The following LHX8 variants were observed in gnomAD, a reference collection of about 807,000 sequenced individuals.
LHX8 encodes the protein LIM homeobox 8, also known as LIM/homeobox protein Lhx8.
Under a neutral mutation model 40.3 loss-of-function variants are expected in LHX8, and 12 were observed. The observed-to-expected ratio is 0.30, with a 90% CI of 0.19 to 0.48. The LOEUF is 0.48. Among genes scored for constraint, LHX8 ranks in the 20% least tolerant of loss-of-function variants. LHX8 has a pLI of 0.99. For missense variants in LHX8, 344 were observed against 433.7 expected, an observed-to-expected ratio of 0.79 and a Z score of 1.84; for synonymous variants, 179 against 162.0, an observed-to-expected ratio of 1.10 and a Z score of -0.80.
the LHX8 span, among the ~76,000 whole-genome samples, chr1:75,189,148 A>G: frequency 6.6e-6 from 1 of 152,192 alleles, no homozygotes; most frequent in Non-Finnish European, 1.5e-5. Flanking sequence ...ATTTCCCAAG[A>G]TATCTTTATA....
At chr1:75,145,142 G>C (rs1162202924) in intron 6 of LHX8, among the ~76,000 whole-genome samples, 1 of 152,116 alleles carries the variant, frequency 6.6e-6, no homozygotes, top group Non-Finnish European at 1.5e-5. Flanking sequence ...AGCAAAAAAT[G>C]AAAGATAAGC....
At chr1:75,130,737 G>A (rs1553131880), upstream of LHX8, 1 of 1,614,082 alleles carries the variant, frequency 6.2e-7, no homozygotes, top group Non-Finnish European at 8.5e-7. Context: ...AGCAGGGTAA[G>A]TTTGTGGAAA....
At chr1:75,180,115 C>G in the LHX8 span, among the ~76,000 whole-genome samples, 1 of 152,210 alleles carries the variant, frequency 6.6e-6, no homozygotes, top group South Asian at 2.1e-4. Flanking sequence ...CTCTGGCTGC[C>G]CTCAGCATTT....
At chr1:75,147,160 C>A (rs1469277012) in intron 6 of LHX8, among the ~76,000 whole-genome samples, 1 of 152,006 alleles carries the variant, frequency 6.6e-6, no homozygotes, top group Non-Finnish European at 1.5e-5. Context: ...TTTTTAAAAG[C>A]AAAAATCCAT....
chr1:75,184,355 A>T, the LHX8 span, among the ~76,000 whole-genome samples: 8 of 152,202 alleles, frequency 5.3e-5, no homozygotes, highest in Admixed American at 5.2e-4. Flanking sequence ...TGTAAAATAG[A>T]CCAAATAATC....
downstream of LHX8, among the ~76,000 whole-genome samples, chr1:75,162,039 G>T (rs532979378): frequency 1.3e-5 from 2 of 152,170 alleles, no homozygotes; most frequent in South Asian, 4.1e-4. Context: ...AAGAAAAAAG[G>T]TAATGAGAAA....
upstream of LHX8, among the ~76,000 whole-genome samples, chr1:75,134,071 A>T (rs1648044168): frequency 6.6e-6 from 1 of 152,116 alleles, no homozygotes; most frequent in African/African-American, 2.4e-5. Context: ...AAAGAGATGT[A>T]ACCTGAATCT....
In LHX8 at chr1:75,137,144, G is replaced by A. The variant is rs145195318; in HGVS notation, c.120G>A (p.Ser40=). The part of the protein sequence containing the change: ...GAGDEDSCSS[S]APLSPSSSPR... ...GGGACGAGGACTCGTGCTCCTCCTC[G>A]GCCCCGCTGTCCCCGTCGTCCTCGC... The change falls in exon 3 of 9, where the codon TCG becomes TCA. Residue 40 remains serine (S), a synonymous_variant. Transcript: ENST00000356261. 6.2e-7 allele frequency: 1 copy of A among 1,611,694 alleles called. No homozygotes were observed. Among genetic ancestry groups the A allele is most frequent in the African/African-American group, 1.3e-5 (1 of 74,782 alleles).
At chr1:75,142,070 T>C (rs1273786893) in intron 4 of LHX8, among the ~76,000 whole-genome samples, 2 of 152,142 alleles carry the variant, frequency 1.3e-5, no homozygotes, top group Non-Finnish European at 2.9e-5. Context: ...TACTTCAATA[T>C]TGGTAATAAT....
Position 75,160,993 on chromosome 1 carries a change from A to G in LHX8, c.*98A>G, listed in dbSNP as rs184821578. On this transcript the variant is annotated 3_prime_UTR_variant, in exon 9 of 9. Transcript: ENST00000356261. ...GATATTACTGTTAATTTTTTATTTAACACCTAAAGCATTTCCAACATCACT... is the reference window on the plus strand; with the variant it reads ...GATATTACTGTTAATTTTTTATTTAGCACCTAAAGCATTTCCAACATCACT... The G allele has an allele frequency of 1.1e-6, 1 of 924,158 alleles. No individual in the cohort carries two copies. The highest frequency in any genetic ancestry group is 2.6e-5 in the East Asian group (1 of 38,402). The allele number at this position is 924,158 out of a possible 1,614,324, so 57.2% of individuals were successfully genotyped here.
the LHX8 span, among the ~76,000 whole-genome samples, chr1:75,192,688 C>CTT: frequency 6.6e-6 from 1 of 151,642 alleles, no homozygotes; most frequent in African/African-American, 2.4e-5. Context: ...AGGCGCTATG[C>CTT]TTTTGTTTGT....
intron 6 of LHX8, among the ~76,000 whole-genome samples, chr1:75,147,761 T>A (rs538271983): frequency 2.2e-4 from 33 of 152,320 alleles, no homozygotes; most frequent in African/African-American, 7.9e-4. Context: ...CTCACTTAAT[T>A]CTCATAATGA....
chr1:75,190,404 G>C, the LHX8 span, among the ~76,000 whole-genome samples: 1 of 151,906 alleles, frequency 6.6e-6, no homozygotes, highest in South Asian at 2.1e-4. Context: ...ATTCCACTTG[G>C]CTACATGTTC....
At chr1:75,136,205 C>T (rs1297009694) in intron 1 of LHX8, among the ~76,000 whole-genome samples, 1 of 152,222 alleles carries the variant, frequency 6.6e-6, no homozygotes, top group Non-Finnish European at 1.5e-5. Context: ...CGCACTCCAC[C>T]TCCCACTGCC....
In LHX8 at chr1:75,156,970, A is replaced by G; in HGVS notation, c.858A>G (p.Ala286=). The G allele has an allele frequency of 1.9e-6, 3 of 1,614,184 alleles. No homozygotes were observed. The highest frequency in any genetic ancestry group is 2.5e-6 in the Non-Finnish European group (3 of 1,180,018). ...ACTCATCCTCCACCCCAGTCACAGCAGTCCCACCCTCCAGGCTGTCTCCAC... is the reference window on the plus strand; with the variant it reads ...ACTCATCCTCCACCCCAGTCACAGCGGTCCCACCCTCCAGGCTGTCTCCAC... ...PNHSSSTPVT[A]VPPSRLSPPM... is the part of the protein sequence containing the mutation. Residue 286 remains alanine (A), a synonymous_variant, in exon 8 of 9, where the codon GCA becomes GCG. Transcript: ENST00000356261.
the LHX8 span, among the ~76,000 whole-genome samples, chr1:75,193,560 C>T: frequency 1.3e-5 from 2 of 152,134 alleles, no homozygotes; most frequent in Admixed American, 6.6e-5. Context: ...AGAAGGTTTC[C>T]GTTTTAATCT....
chr1:75,143,801 C>A (rs759779049), intron 5 of LHX8, 44 bp from the exon 6 acceptor site: 2 of 1,367,046 alleles, frequency 1.5e-6, no homozygotes, highest in Non-Finnish European at 2.1e-6. Context: ...GATGGGTGTA[C>A]CCATTTGAAT....
the LHX8 span, among the ~76,000 whole-genome samples, chr1:75,194,127 C>T: frequency 2.0e-5 from 3 of 152,302 alleles, no homozygotes; most frequent in East Asian, 5.8e-4. Flanking sequence ...ACAGTTTAGA[C>T]AGCTTCACAC....
At chr1:75,165,659 A>G (rs1649016530), downstream of LHX8, among the ~76,000 whole-genome samples, 1 of 152,170 alleles carries the variant, frequency 6.6e-6, no homozygotes, top group African/African-American at 2.4e-5. Flanking sequence ...CTTGCTCTCC[A>G]TTACATTCCC....
Sources: allele counts gnomAD v4.1 joint callset (sites outside exome capture counted in the v4.1 genomes callset), GRCh38; gene constraint gnomAD v4.1.1; transcripts MANE v1.5; gene names NCBI Gene and HGNC (gene_info 2026-07-23, HGNC 2026-07-21).